DGKB: variants seen among roughly 807,000 people sequenced by gnomAD.
DGKB encodes 90 kDa diacylglycerol kinase.
DGKB carries 67 observed loss-of-function variants against 114.3 expected under a neutral mutation model. The ratio of observed to expected loss-of-function variants is 0.59; its 90% CI spans 0.48 to 0.72. The LOEUF is 0.72. DGKB is among the 30% of genes least tolerant of loss of function. The probability of loss-of-function intolerance (pLI) is 0.00; values close to 1 mark genes in which losing one functional copy is unlikely to be tolerated. For synonymous variants in DGKB, 398 were observed against 323.1 expected (o/e 1.23, Z -2.49); for missense variants, 907 against 975.2 (o/e 0.93, Z 0.93).
chr7:14,459,528 G>T (rs1298207100), intron 21 of DGKB, among the ~76,000 whole-genome samples: 1 of 151,976 alleles, frequency 6.6e-6, no homozygotes, highest in African/African-American at 2.4e-5. Context: ...CTTAACAAAA[G>T]AAAGCATGAA....
intron 1 of DGKB, among the ~76,000 whole-genome samples, chr7:14,845,523 T>A (rs138275054): frequency 0.014 from 2,068 of 152,280 alleles, 37 homozygotes; most frequent in Non-Finnish European, 0.015. Context: ...TGCATCACCA[T>A]CCTGCGCTAC....
chr7:14,309,583 C>A (rs2128503202), intron 23 of DGKB, among the ~76,000 whole-genome samples: 1 of 152,272 alleles, frequency 6.6e-6, no homozygotes, highest in African/African-American at 2.4e-5. Context: ...GTTTGAACTT[C>A]TAGATTTCTA....
At chr7:14,180,871 T>C (rs1782538183) in intron 23 of DGKB, among the ~76,000 whole-genome samples, 1 of 152,122 alleles carries the variant, frequency 6.6e-6, no homozygotes, top group African/African-American at 2.4e-5. Context: ...CTAAGAGTTA[T>C]TTTAAGAACA....
At chr7:14,690,976 T>G (rs1449857818) in intron 9 of DGKB, among the ~76,000 whole-genome samples, 1 of 152,186 alleles carries the variant, frequency 6.6e-6, no homozygotes, top group Non-Finnish European at 1.5e-5. Context: ...CCCATTCATC[T>G]TGTATTTTGT....
intron 1 of DGKB, among the ~76,000 whole-genome samples, chr7:14,932,065 C>T (rs896160933): frequency 6.6e-6 from 1 of 152,170 alleles, no homozygotes; most frequent in African/African-American, 2.4e-5. Context: ...GAACAGCTGC[C>T]TAGATTGGAG....
intron 17 of DGKB, among the ~76,000 whole-genome samples, chr7:14,592,369 T>A (rs1219296039): frequency 6.6e-6 from 1 of 151,952 alleles, no homozygotes; most frequent in East Asian, 1.9e-4. Context: ...CATTTTGATT[T>A]AAGCATTTAG....
intron 21 of DGKB, among the ~76,000 whole-genome samples, chr7:14,463,516 A>G (rs940925519): frequency 6.6e-6 from 1 of 152,058 alleles, no homozygotes; most frequent in Non-Finnish European, 1.5e-5. Flanking sequence ...TGTGTATGAT[A>G]CTCCAACCAC....
At chr7:14,682,993 T>C (rs1027279153) in intron 10 of DGKB, among the ~76,000 whole-genome samples, 152 bp from the exon 11 acceptor site, 2 of 152,120 alleles carry the variant, frequency 1.3e-5, no homozygotes, top group Non-Finnish European at 2.9e-5. Context: ...AAGTCGACTG[T>C]TTTTACCATG....
chr7:14,265,790 G>C (rs189142554), intron 23 of DGKB, among the ~76,000 whole-genome samples: 38 of 152,214 alleles, frequency 2.5e-4, no homozygotes, highest in African/African-American at 9.2e-4. Context: ...TTAAATGAAT[G>C]AATTAAAAAT....
intron 2 of DGKB, among the ~76,000 whole-genome samples, chr7:14,827,922 G>A (rs1057506560): frequency 6.6e-4 from 99 of 150,950 alleles, no homozygotes; most frequent in African/African-American, 2.1e-3. Context: ...TATGAACTCC[G>A]AAATGAATGT....
chr7:14,648,441 G>A (rs984469879), intron 13 of DGKB, among the ~76,000 whole-genome samples: 3 of 152,150 alleles, frequency 2.0e-5, no homozygotes, highest in African/African-American at 7.2e-5. Context: ...GGTCCTCTCT[G>A]TTAGACGGAA....
chr7:14,828,393 T>C (rs1197707245), intron 2 of DGKB, among the ~76,000 whole-genome samples: 1 of 152,102 alleles, frequency 6.6e-6, no homozygotes, highest in Non-Finnish European at 1.5e-5. Context: ...GCAAAGATCA[T>C]AAATCAACTC....
chr7:14,303,453 C>T (rs916356228), intron 23 of DGKB, among the ~76,000 whole-genome samples: 1 of 151,978 alleles, frequency 6.6e-6, no homozygotes, highest in Non-Finnish European at 1.5e-5. Context: ...ATTATTGGTC[C>T]TTTTGATACT....
At chr7:14,857,279 T>TGTGTGTGTGTG (rs1586950183) in intron 1 of DGKB, among the ~76,000 whole-genome samples, 1 of 151,408 alleles carries the variant, frequency 6.6e-6, no homozygotes, top group African/African-American at 2.4e-5. Context: ...TGTGTGTGTG[T>TGTGTGTGTGTG]TGCTGGCACT....
At chr7:14,540,404 A>G (rs1051455630) in intron 20 of DGKB, among the ~76,000 whole-genome samples, 4 of 152,170 alleles carry the variant, frequency 2.6e-5, no homozygotes, top group Non-Finnish European at 5.9e-5. Flanking sequence ...TTGTTTGAAA[A>G]TTAAACAAAA....
At chr7:14,155,366 A>G (rs1190786678) in intron 25 of DGKB, among the ~76,000 whole-genome samples, 1 of 152,140 alleles carries the variant, frequency 6.6e-6, no homozygotes, top group Admixed American at 6.6e-5. Context: ...TGCTTGTAGT[A>G]TAATGATGAT....
intron 1 of DGKB, among the ~76,000 whole-genome samples, chr7:14,924,761 T>C (rs1043111875): frequency 8.5e-5 from 13 of 152,320 alleles, no homozygotes; most frequent in African/African-American, 3.1e-4. Context: ...ATTATGATTA[T>C]TGTAGAGTCC....
intron 23 of DGKB, among the ~76,000 whole-genome samples, chr7:14,294,944 G>C (rs746137366): frequency 3.9e-4 from 60 of 152,236 alleles, no homozygotes; most frequent in Non-Finnish European, 6.0e-4. Context: ...ACCTAATGCA[G>C]TCTAAATTAG....
intron 21 of DGKB, among the ~76,000 whole-genome samples, chr7:14,421,261 T>G (rs1321268647): frequency 6.6e-6 from 1 of 152,142 alleles, no homozygotes; most frequent in Non-Finnish European, 1.5e-5. Flanking sequence ...TGTCAATAAA[T>G]CTATGCTTTT....
Sources: gnomAD v4.1 joint callset for allele counts (sites outside exome capture counted in the v4.1 genomes callset) on GRCh38, gnomAD v4.1.1 for gene constraint, MANE v1.5 for transcripts, NCBI Gene and HGNC (gene_info 2026-07-23, HGNC 2026-07-21) for gene names.